The following CILK1 variants were observed in gnomAD, a reference collection of about 807,000 sequenced individuals.
The protein encoded by CILK1 is serine/threonine-protein kinase ICK.
CILK1 carries 47 observed loss-of-function variants against 79.2 expected under a neutral mutation model. The ratio of observed to expected loss-of-function variants is 0.59; its 90% confidence interval spans 0.47 to 0.76. CILK1 has a LOEUF of 0.76. CILK1 is among the 30% of genes least tolerant of loss of function. The probability of loss-of-function intolerance (pLI) is 0.00; values close to 1 mark genes in which losing one functional copy is unlikely to be tolerated. For missense variants in CILK1, 660 were observed against 769.5 expected (o/e 0.86, Z 1.68); for synonymous variants, 266 against 275.9 (o/e 0.96, Z 0.36).
intron 1 of CILK1, among the ~76,000 whole-genome samples, chr6:53,045,298 C>T (rs976933311): frequency 2.0e-5 from 3 of 152,180 alleles, no homozygotes; most frequent in African/African-American, 7.2e-5. Context: ...TTTGGCTCTG[C>T]ATTTGTTTTC....
chr6:53,048,911 G>A (rs1767288384), intron 1 of CILK1, among the ~76,000 whole-genome samples: 1 of 152,176 alleles, frequency 6.6e-6, no homozygotes. Flanking sequence ...TGGTGAGGAA[G>A]AAGAGCTTCT....
At chr6:53,012,373 C>G in intron 9 of CILK1, 146 bp from the exon 10 acceptor site, 1 of 725,624 alleles carries the variant, frequency 1.4e-6, no homozygotes, top group African/African-American at 1.7e-5. Flanking sequence ...CTGTAGAAAA[C>G]ACATTCCCAA....
At chr6:53,048,257 C>T (rs1270050294) in intron 1 of CILK1, among the ~76,000 whole-genome samples, 6 of 152,302 alleles carry the variant, frequency 3.9e-5, no homozygotes, top group African/African-American at 1.2e-4. Context: ...GATGAAGAAA[C>T]ACCGGATGCT....
chr6:53,032,735 T>A (rs1766052801), intron 3 of CILK1, 81 bp from the exon 4 acceptor site: 5 of 1,189,438 alleles, frequency 4.2e-6, no homozygotes, highest in Non-Finnish European at 6.0e-6. Context: ...ATCCTATGTA[T>A]ACTTGGAAAG....
intron 12 of CILK1, among the ~76,000 whole-genome samples, chr6:53,007,844 G>T (rs1562001126): frequency 6.6e-6 from 1 of 151,942 alleles, no homozygotes; most frequent in Non-Finnish European, 1.5e-5. Context: ...GGAGGCTGAG[G>T]CAGGAGAATT....
chr6:53,025,005 G>A (rs926074077), intron 5 of CILK1, among the ~76,000 whole-genome samples: 1 of 151,768 alleles, frequency 6.6e-6, no homozygotes, highest in Non-Finnish European at 1.5e-5. Flanking sequence ...GCTAATTTTT[G>A]TATTTTTAGT....
intron 1 of CILK1, among the ~76,000 whole-genome samples, chr6:53,051,237 T>C (rs1362034769): frequency 1.3e-5 from 2 of 152,260 alleles, no homozygotes; most frequent in African/African-American, 2.4e-5. Context: ...CACTTATCCA[T>C]ATTTTAATCC....
chr6:53,057,158 AT>A, intron 1 of CILK1, among the ~76,000 whole-genome samples: 1 of 152,292 alleles, frequency 6.6e-6, no homozygotes, highest in Non-Finnish European at 1.5e-5. Context: ...CCAAATACGT[AT>A]TTGGGCATTA....
At chr6:53,028,050 G>A (rs1194658728) in intron 5 of CILK1, among the ~76,000 whole-genome samples, 2 of 152,124 alleles carry the variant, frequency 1.3e-5, no homozygotes, top group African/African-American at 4.8e-5. Context: ...AGGAGGCTGA[G>A]GCGGGAGAAT....
rs1024650213 is a variant in CILK1 at position 53,011,640 on chromosome 6, A to T, written c.1492+129T>A. 4.8e-5 allele frequency: 44 copies of T among 915,586 alleles called. 1 individual carries two copies. Among genetic ancestry groups the T allele is most frequent in the South Asian group, 4.5e-4 (34 of 75,612 alleles). The allele number at this position is 915,586 out of a possible 1,614,324, so 56.7% of individuals were successfully genotyped here. On this transcript the variant is annotated intron_variant, in intron 11 of 13. Coordinates refer to ENST00000676107, the MANE Select transcript of CILK1 (RefSeq NM_014920.5). ...TTGGGCTTCAGCAAATATTTCTATG[A>T]TGTTCCCCTCAGTTCTGAAGGGAAG...
chr6:53,053,351 C>T (rs1767621222), intron 1 of CILK1, among the ~76,000 whole-genome samples: 1 of 151,330 alleles, frequency 6.6e-6, no homozygotes, highest in South Asian at 2.1e-4. Context: ...TTGGATAAAT[C>T]ATTCACTACA....
At chr6:53,022,856 A>G (rs565445415) in intron 5 of CILK1, among the ~76,000 whole-genome samples, 1 of 152,184 alleles carries the variant, frequency 6.6e-6, no homozygotes, top group Non-Finnish European at 1.5e-5. Flanking sequence ...AATGCAATGG[A>G]CATGACTCTT....
At chr6:53,032,446 G>A (rs1766030668) in intron 4 of CILK1, 87 bp downstream of exon 4, 1 of 775,838 alleles carries the variant, frequency 1.3e-6, no homozygotes, top group East Asian at 3.8e-5. Context: ...AGAAAAAAAG[G>A]AGAGAAAGAA....
intron 1 of CILK1, among the ~76,000 whole-genome samples, chr6:53,060,434 G>A (rs562103981): frequency 1.3e-5 from 2 of 152,300 alleles, no homozygotes; most frequent in South Asian, 2.1e-4. Flanking sequence ...TTTTGACTTT[G>A]GAGAAGGGGA....
intron 9 of CILK1, 107 bp from the exon 10 acceptor site, chr6:53,012,334 G>T (rs1447785422): frequency 1.0e-6 from 1 of 982,590 alleles, no homozygotes; most frequent in Non-Finnish European, 1.6e-6. Context: ...AGGCTCCTGG[G>T]GCATAACATT....
chr6:53,037,645 C>T (rs1766446770), intron 3 of CILK1, among the ~76,000 whole-genome samples: 1 of 152,132 alleles, frequency 6.6e-6, no homozygotes, highest in Admixed American at 6.5e-5. Flanking sequence ...AAGTGATTTT[C>T]CTTTACGTTA....
intron 1 of CILK1, among the ~76,000 whole-genome samples, chr6:53,053,288 T>TGTATTTCTAACTCGCA (rs1767615641): frequency 6.6e-6 from 1 of 152,170 alleles, no homozygotes; most frequent in African/African-American, 2.4e-5. Flanking sequence ...AGAATTAGCA[T>TGTATTTCTAACTCGCA]GTATTTCTAA....
In CILK1 at chr6:53,006,453, A is replaced by G. The variant is rs780445208; in HGVS notation, c.1622-16T>C. 2 of 1,612,812 alleles carry G rather than the reference A, an allele frequency of 1.2e-6. No individual in the cohort carries two copies. Among genetic ancestry groups the G allele is most frequent in the Non-Finnish European group, 1.7e-6 (2 of 1,179,428 alleles). On this transcript the variant is annotated splice_polypyrimidine_tract_variant and intron_variant, in intron 12 of 13. Coordinates refer to ENST00000676107, the MANE Select transcript of CILK1 (RefSeq NM_014920.5). ...CTGGAACCAACTGATTTGCAAAAGC[A>G]AAAAGCTCATTATTACAAAGACATG...
rs576840229 is a variant in CILK1 at position 53,043,422 on chromosome 6, C to A, written c.-172-2014G>T. 2.6e-5 allele frequency among the ~76,000 whole-genome samples: 4 copies of A among 152,148 alleles called. No individual in the cohort carries two copies. The East Asian group carries it at 5.8e-4, about 22-fold the overall frequency. ...GAAAAATCTTAAGACATATAAAACTCCTGCCTGATTTTACCATGCTTTATC... is the reference window on the plus strand; with the variant it reads ...GAAAAATCTTAAGACATATAAAACTACTGCCTGATTTTACCATGCTTTATC... On this transcript the variant is annotated intron_variant, in intron 1 of 13. Coordinates refer to ENST00000676107, the MANE Select transcript of CILK1 (RefSeq NM_014920.5).
Sources: gnomAD v4.1 joint callset for allele counts (sites outside exome capture counted in the v4.1 genomes callset) on GRCh38, gnomAD v4.1.1 for gene constraint, MANE v1.5 for transcripts, NCBI Gene and HGNC (gene_info 2026-07-23, HGNC 2026-07-21) for gene names.